CADPS: variants seen among roughly 807,000 people sequenced by gnomAD.
CADPS encodes calcium-dependent secretion activator 1.
CADPS carries 57 observed loss-of-function variants against 167.3 expected under a neutral mutation model. The ratio of observed to expected loss-of-function variants is 0.34; its 90% CI spans 0.28 to 0.42. CADPS has a LOEUF of 0.42. CADPS is among the 20% of genes least tolerant of loss of function. CADPS has a pLI of 1.00. For missense variants in CADPS, 1,414 were observed against 1,738.1 expected, an observed-to-expected ratio of 0.81 and a Z score of 3.32; for synonymous variants, 676 against 635.3, an observed-to-expected ratio of 1.06 and a Z score of -0.96.
intron 3 of CADPS, among the ~76,000 whole-genome samples, chr3:62,700,305 T>A (rs2081159699): frequency 6.6e-6 from 1 of 152,130 alleles, no homozygotes; most frequent in Non-Finnish European, 1.5e-5. Context: ...TTGTAATTCT[T>A]CAGCAGAAGT....
At position 62,399,335 on chromosome 3, in the gene CADPS, G is replaced by A; in HGVS notation, c.*71C>T. The A allele has an allele frequency of 6.9e-7, 1 of 1,453,004 alleles. No individual in the cohort carries two copies. The highest frequency in any genetic ancestry group is 1.2e-5 in the South Asian group (1 of 80,070). 90.0% of individuals were successfully genotyped at this position (1,453,004 alleles called of 1,614,324 possible). ...GTAGTTGACAGAAAATTCCTAATGG[G>A]TTTAACTAACAGACTAAGGACATGC... On this transcript the variant is annotated 3_prime_UTR_variant, in exon 30 of 30. Coordinates refer to ENST00000383710, the MANE Select transcript of CADPS (RefSeq NM_003716.4). The surrounding 1 kb of genome is among the most constrained non-coding windows in gnomAD (Gnocchi z 5.6).
chr3:62,615,079 T>C (rs769214928), intron 6 of CADPS, among the ~76,000 whole-genome samples: 43 of 152,266 alleles, frequency 2.8e-4, no homozygotes, highest in Admixed American at 1.0e-3. Flanking sequence ...TGGCAGCATG[T>C]AATAGTTTAG....
intron 17 of CADPS, among the ~76,000 whole-genome samples, chr3:62,503,720 C>T (rs991826159): frequency 6.6e-5 from 10 of 152,170 alleles, no homozygotes; most frequent in African/African-American, 2.2e-4. Flanking sequence ...AAATATGTTA[C>T]TTGCTATTCC....
intron 6 of CADPS, among the ~76,000 whole-genome samples, chr3:62,618,400 C>T (rs745467314): frequency 1.4e-4 from 22 of 152,268 alleles, no homozygotes; most frequent in South Asian, 2.1e-4. Flanking sequence ...CTGTTGGGTA[C>T]GATGTTTATG....
At chr3:62,792,970 C>T (rs574838399) in intron 1 of CADPS, among the ~76,000 whole-genome samples, 1 of 152,294 alleles carries the variant, frequency 6.6e-6, no homozygotes, top group African/African-American at 2.4e-5. Context: ...CTACTTGGAT[C>T]AGAAGCCCAG....
At chr3:62,812,929 T>C (rs991889783) in intron 1 of CADPS, among the ~76,000 whole-genome samples, 3 of 152,084 alleles carry the variant, frequency 2.0e-5, no homozygotes, top group African/African-American at 4.8e-5. Flanking sequence ...TGGCGGTTGA[T>C]GGATAAAGCA....
chr3:62,761,575 T>A (rs116736360), intron 2 of CADPS, among the ~76,000 whole-genome samples: 434 of 152,074 alleles, frequency 2.9e-3, no homozygotes, highest in African/African-American at 0.01. Flanking sequence ...CAGGAAGAAT[T>A]TGAGTTTTGT....
chr3:62,498,878 C>CA (rs5849486), intron 18 of CADPS, among the ~76,000 whole-genome samples: 65,935 of 151,964 alleles, frequency 0.43, 16,434 homozygotes, highest in Non-Finnish European at 0.56. Context: ...CAATGGTAAC[C>CA]AGATGCTGCT....
At chr3:62,869,770 G>T (rs1271463604) in intron 1 of CADPS, among the ~76,000 whole-genome samples, 2 of 152,122 alleles carry the variant, frequency 1.3e-5, no homozygotes, top group Non-Finnish European at 2.9e-5. Flanking sequence ...GGTGCAATGA[G>T]TAACTGGTCA....
intron 17 of CADPS, among the ~76,000 whole-genome samples, chr3:62,508,777 T>C (rs894847923): frequency 2.0e-5 from 3 of 152,226 alleles, no homozygotes; most frequent in Admixed American, 1.3e-4. Flanking sequence ...ATTTTTATCA[T>C]AATCTGCAGC....
intron 27 of CADPS, 104 bp downstream of exon 27, chr3:62,445,661 A>G: frequency 2.7e-6 from 2 of 729,296 alleles, no homozygotes; most frequent in Non-Finnish European, 4.2e-6. Context: ...GCTAGCAGCA[A>G]TTAATATGAG....
chr3:62,599,736 AAT>A (rs1452188688), intron 6 of CADPS, among the ~76,000 whole-genome samples: 2 of 44,746 alleles, frequency 4.5e-5, no homozygotes, highest in East Asian at 1.2e-3. Flanking sequence ...TAGTATATAT[AAT>A]ATATATAATC....
chr3:62,718,267 A>C (rs146627004), intron 3 of CADPS, among the ~76,000 whole-genome samples: 1 of 152,120 alleles, frequency 6.6e-6, no homozygotes. Context: ...TGCTCAGTAC[A>C]TGATGTCTTG....
chr3:62,658,235 G>A (rs993557804), intron 4 of CADPS, among the ~76,000 whole-genome samples: 2 of 152,162 alleles, frequency 1.3e-5, no homozygotes, highest in African/African-American at 2.4e-5. Flanking sequence ...GAGAATTAAT[G>A]TAACGCCAAA....
At chr3:62,820,334 T>G (rs1307679485) in intron 1 of CADPS, among the ~76,000 whole-genome samples, 1 of 152,136 alleles carries the variant, frequency 6.6e-6, no homozygotes, top group African/African-American at 2.4e-5. Context: ...ATTCCACAAA[T>G]AGAGAAACAG....
At chr3:62,801,376 T>C (rs2093752613) in intron 1 of CADPS, among the ~76,000 whole-genome samples, 1 of 152,158 alleles carries the variant, frequency 6.6e-6, no homozygotes, top group Non-Finnish European at 1.5e-5. Context: ...TATATTTATT[T>C]GCCATAGGGA....
intron 6 of CADPS, among the ~76,000 whole-genome samples, chr3:62,617,162 A>G (rs1046272818): frequency 1.3e-5 from 2 of 152,192 alleles, no homozygotes; most frequent in Non-Finnish European, 2.9e-5. Context: ...AGAGAGCTAC[A>G]CAGAGGAACT....
At chr3:62,793,140 C>T (rs1048476305) in intron 1 of CADPS, among the ~76,000 whole-genome samples, 10 of 152,194 alleles carry the variant, frequency 6.6e-5, no homozygotes, top group African/African-American at 1.7e-4. Flanking sequence ...ATTAGTACTA[C>T]CCCTACTTTG....
Position 62,784,285 on chromosome 3 carries a change from A to G in CADPS, c.442-18301T>C, listed in dbSNP as rs1003343647. On this transcript the variant is annotated intron_variant, in intron 1 of 29. Transcript: ENST00000383710. ...ATATATAAATGATCACCTTCCAAGG[A>G]TGTTAAGGTACCAATACATTATTTT... 3.3e-5 allele frequency among the ~76,000 whole-genome samples: 5 copies of G among 152,228 alleles called. No homozygotes were observed. In the East Asian group the frequency reaches 9.6e-4, roughly 29 times the overall value.
Sources: gnomAD v4.1 joint callset for allele counts (sites outside exome capture counted in the v4.1 genomes callset) on GRCh38, gnomAD v4.1.1 for gene constraint, Gnocchi (gnomAD v3.1) non-coding constraint, MANE v1.5 for transcripts, NCBI Gene and HGNC (gene_info 2026-07-23, HGNC 2026-07-21) for gene names.